COBLL1: variants seen among roughly 807,000 people sequenced by gnomAD.
COBLL1 encodes the protein cordon-bleu protein-like 1.
Under a neutral mutation model 94.8 loss-of-function variants are expected in COBLL1, and 50 were observed. The ratio of observed to expected loss-of-function variants is 0.53; its 90% CI spans 0.42 to 0.67. COBLL1 has a LOEUF of 0.67. COBLL1 is among the 30% of genes least tolerant of loss of function. COBLL1 has a pLI of 0.00. For synonymous variants in COBLL1, 448 were observed against 473.8 expected, an observed-to-expected ratio of 0.95 and a Z score of 0.71; for missense variants, 1,362 against 1,348.7, an observed-to-expected ratio of 1.01 and a Z score of -0.15.
At chr2:164,767,301 A>T (rs391915) in intron 2 of COBLL1, among the ~76,000 whole-genome samples, 1 of 152,132 alleles carries the variant, frequency 6.6e-6, no homozygotes, top group African/African-American at 2.4e-5. Flanking sequence ...TAGTTAGAAG[A>T]GACACTACCA....
At chr2:164,755,944 T>C (rs1687377286) in intron 2 of COBLL1, among the ~76,000 whole-genome samples, 2 of 152,280 alleles carry the variant, frequency 1.3e-5, no homozygotes, top group South Asian at 2.1e-4. Context: ...AGACCTTTAA[T>C]AGACATAGGG....
intron 7 of COBLL1, among the ~76,000 whole-genome samples, chr2:164,719,515 G>A (rs1159362215): frequency 6.6e-6 from 1 of 152,178 alleles, no homozygotes; most frequent in Non-Finnish European, 1.5e-5. Flanking sequence ...ACCCTCCCTT[G>A]CCTCTTCCAG....
rs1391252774 is a variant in COBLL1 at position 164,834,105 on chromosome 2, A to G, written c.41+7051T>C. Among the ~76,000 whole-genome samples the G allele has an allele frequency of 1.9e-4, 29 of 152,238 alleles. 1 individual carries two copies. Among genetic ancestry groups the G allele is most frequent in the Admixed American group, 1.9e-3 (29 of 15,286 alleles). The stretch of plus-strand genomic sequence containing the variant: ...CAGCAAAGTCATAAAAAAAAGTCTC[A>G]TAACAACTATCATACTAATATTAGA... On this transcript the variant is annotated intron_variant, in intron 2 of 13. Transcript: ENST00000652658.
chr2:164,725,437 T>G (rs1389617432), intron 5 of COBLL1, among the ~76,000 whole-genome samples: 2 of 152,262 alleles, frequency 1.3e-5, no homozygotes, highest in East Asian at 3.9e-4. Context: ...TTTATTTTTT[T>G]GAAACGGTCT....
At chr2:164,781,483 C>T (rs355899) in intron 2 of COBLL1, among the ~76,000 whole-genome samples, 31 of 152,160 alleles carry the variant, frequency 2.0e-4, no homozygotes, top group Admixed American at 2.0e-3. Context: ...TGTACACTTA[C>T]TGCAGACCAG....
At chr2:164,793,380 C>G (rs957936344) in intron 2 of COBLL1, among the ~76,000 whole-genome samples, 1 of 151,536 alleles carries the variant, frequency 6.6e-6, no homozygotes, top group Admixed American at 6.6e-5. Flanking sequence ...ATTTACAGCA[C>G]TACCAAAACT....
At chr2:164,805,335 C>CTATATATATATA (rs1268003621) in intron 2 of COBLL1, among the ~76,000 whole-genome samples, 27 of 19,832 alleles carry the variant, frequency 1.4e-3, no homozygotes, top group Non-Finnish European at 1.6e-3. Context: ...CTCTCTCTCT[C>CTATATATATATA]TCTATATATA....
At chr2:164,698,751 T>C (rs1415772867) in intron 11 of COBLL1, among the ~76,000 whole-genome samples, 1 of 151,950 alleles carries the variant, frequency 6.6e-6, no homozygotes, top group African/African-American at 2.4e-5. Context: ...CCGCAAAGCT[T>C]CTAATAATCA....
chr2:164,719,088 A>G (rs1208269552), intron 7 of COBLL1, among the ~76,000 whole-genome samples: 1 of 152,114 alleles, frequency 6.6e-6, no homozygotes, highest in Non-Finnish European at 1.5e-5. Context: ...CACATTAAGT[A>G]CTGGTTTTCT....
At chr2:164,811,474 T>C (rs1684454461) in intron 2 of COBLL1, among the ~76,000 whole-genome samples, 1 of 151,996 alleles carries the variant, frequency 6.6e-6, no homozygotes, top group Non-Finnish European at 1.5e-5. Flanking sequence ...ATCTAAGATT[T>C]GATGTCATCC....
intron 2 of COBLL1, among the ~76,000 whole-genome samples, chr2:164,817,389 A>G (rs984293549): frequency 1.3e-5 from 2 of 149,536 alleles, no homozygotes; most frequent in Non-Finnish European, 1.5e-5. Flanking sequence ...GAAGAAGAAG[A>G]AGGACTTAGA....
At chr2:164,756,424 T>G (rs1391946334) in intron 2 of COBLL1, among the ~76,000 whole-genome samples, 9 of 152,156 alleles carry the variant, frequency 5.9e-5, no homozygotes, top group African/African-American at 1.7e-4. Context: ...AATATCCTAA[T>G]AATATTTTCA....
rs1434461692 is a variant in COBLL1 at position 164,704,941 on chromosome 2, A to C, written c.1150+11T>G. On this transcript the variant is annotated intron_variant, in intron 8 of 13. Transcript: ENST00000652658. ...AATACAAATGTAATGTTAATGAAAC[A>C]ACCACATTACCAGTCACACGACTAT... 1.3e-6 allele frequency: 2 copies of C among 1,554,936 alleles called. No homozygotes were observed. Among genetic ancestry groups the C allele is most frequent in the Middle Eastern group, 1.7e-4 (1 of 5,774 alleles).
At chr2:164,803,287 C>T (rs979454924) in intron 2 of COBLL1, among the ~76,000 whole-genome samples, 52 of 152,048 alleles carry the variant, frequency 3.4e-4, no homozygotes, top group African/African-American at 1.2e-3. Flanking sequence ...AAAGTTTGGC[C>T]GGGCGCGGTG....
At chr2:164,672,189 T>C (rs983375636) in intron 1 of COBLL1, among the ~76,000 whole-genome samples, 5 of 152,188 alleles carry the variant, frequency 3.3e-5, no homozygotes, top group African/African-American at 1.2e-4. Context: ...TGTGCTATTT[T>C]TGCACTTTCC....
intron 10 of COBLL1, among the ~76,000 whole-genome samples, chr2:164,700,052 T>C (rs945087680): frequency 2.6e-5 from 4 of 152,122 alleles, no homozygotes; most frequent in Non-Finnish European, 5.9e-5. Flanking sequence ...TATAGCTGTC[T>C]GTTTCTAGAA....
Position 164,841,570 on chromosome 2 carries a change from C to G in COBLL1, c.-51+140G>C, listed in dbSNP as rs953377541. On this transcript the variant is annotated intron_variant, in intron 1 of 13. Transcript: ENST00000652658. This position sits in a 1 kb window ranked among gnomAD's most constrained non-coding sequence, Gnocchi z 5.5. ...GAAAAGGAGGAGGAGCGGGGCCGGG[C>G]GCACGGGCACCGCTGCCACGCCGGC... The G allele has an allele frequency of 1.7e-6, 1 of 578,420 alleles. No individual in the cohort carries two copies. The allele number at this position is 578,420 out of a possible 1,614,324, so 35.8% of individuals were successfully genotyped here.
intron 2 of COBLL1, among the ~76,000 whole-genome samples, chr2:164,821,681 T>C (rs544065402): frequency 6.6e-6 from 1 of 152,338 alleles, no homozygotes; most frequent in African/African-American, 2.4e-5. Context: ...GGTTATTTTA[T>C]TTCCTACAGG....
At chr2:164,799,019 C>CAAAAAAAAAAAAAA (rs555113117) in intron 2 of COBLL1, among the ~76,000 whole-genome samples, 2 of 69,832 alleles carry the variant, frequency 2.9e-5, no homozygotes, top group Admixed American at 1.8e-4. Flanking sequence ...GACTCCGTCT[C>CAAAAAAAAAAAAAA]AAAAAAAAAA....
Sources: gnomAD v4.1 joint callset for allele counts (sites outside exome capture counted in the v4.1 genomes callset) on GRCh38, gnomAD v4.1.1 for gene constraint, Gnocchi (gnomAD v3.1) non-coding constraint, MANE v1.5 for transcripts, NCBI Gene and HGNC (gene_info 2026-07-23, HGNC 2026-07-21) for gene names.